Variants in TSGA10 observed in about 807,000 individuals in gnomAD.
The protein encoded by TSGA10 is testis-specific gene 10 protein.
TSGA10 carries 43 observed loss-of-function variants against 96.6 expected under a neutral mutation model. The observed-to-expected ratio is 0.44, with a 90% CI of 0.35 to 0.57. The LOEUF is 0.57. Ranked by LOEUF, TSGA10 falls within the 20% of genes least tolerant of loss-of-function variation. The pLI, the probability that TSGA10 is intolerant of heterozygous loss-of-function variation, is 0.01. For missense variants in TSGA10, 703 were observed against 834.4 expected (o/e 0.84, Z 1.94); for synonymous variants, 229 against 269.9 (o/e 0.85, Z 1.48).
At chr2:99,087,441 G>A (rs2088670392) in intron 10 of TSGA10, among the ~76,000 whole-genome samples, 1 of 152,144 alleles carries the variant, frequency 6.6e-6, no homozygotes, top group South Asian at 2.1e-4. Context: ...GGGAGGCGGA[G>A]GTTGCAGTGA....
chr2:99,010,468 G>A (rs1461401735), intron 20 of TSGA10, among the ~76,000 whole-genome samples: 1 of 152,240 alleles, frequency 6.6e-6, no homozygotes, highest in Non-Finnish European at 1.5e-5. Flanking sequence ...CCCCACTGGG[G>A]AATCTAAAAA....
intron 3 of TSGA10, among the ~76,000 whole-genome samples, chr2:99,117,992 T>A (rs567736431): frequency 1.3e-5 from 2 of 152,318 alleles, no homozygotes; most frequent in East Asian, 3.9e-4. Flanking sequence ...CAATTTATAG[T>A]TTATTTTAAA....
intron 2 of TSGA10, among the ~76,000 whole-genome samples, chr2:99,121,292 T>C (rs1316213957): frequency 6.6e-6 from 1 of 152,128 alleles, no homozygotes; most frequent in Non-Finnish European, 1.5e-5. Flanking sequence ...CAGGAATGGA[T>C]GAGTGATCCA....
chr2:99,024,157 T>C (rs1391968284), intron 17 of TSGA10, among the ~76,000 whole-genome samples: 1 of 152,118 alleles, frequency 6.6e-6, no homozygotes, highest in East Asian at 1.9e-4. Context: ...TGGCATAATC[T>C]TGGCTCACTG....
At chr2:99,123,378 A>G (rs528453190) in intron 2 of TSGA10, among the ~76,000 whole-genome samples, 2 of 151,946 alleles carry the variant, frequency 1.3e-5, no homozygotes, top group East Asian at 3.9e-4. Flanking sequence ...GCTCTATTCA[A>G]ATTTTTTTCC....
intron 20 of TSGA10, among the ~76,000 whole-genome samples, chr2:99,000,118 T>A (rs2104771124): frequency 6.6e-6 from 1 of 152,252 alleles, no homozygotes; most frequent in African/African-American, 2.4e-5. Context: ...ATGCCTGTAA[T>A]CCTAGCACTT....
Position 99,152,557 on chromosome 2 carries a change from G to A in TSGA10, c.-621+2136C>T, listed in dbSNP as rs139115824. 4.3e-4 allele frequency among the ~76,000 whole-genome samples: 66 copies of A among 152,260 alleles called. 2 individuals are homozygous for A. In the East Asian group the frequency reaches 0.01, roughly 24 times the overall value. The stretch of plus-strand genomic sequence containing the variant: ...ACTGGGCCATAAACTTGATTTTAAC[G>A]TGGGAAATGGGAAAGCGTATCTCAG... On this transcript the variant is annotated intron_variant, in intron 1 of 20. Coordinates refer to ENST00000393483, the MANE Select transcript of TSGA10 (RefSeq NM_025244.4).
chr2:99,108,382 A>G (rs2091527072), intron 7 of TSGA10, among the ~76,000 whole-genome samples: 1 of 152,152 alleles, frequency 6.6e-6, no homozygotes, highest in South Asian at 2.1e-4. Flanking sequence ...TATTTGATTA[A>G]TAAAAGCTAT....
At chr2:99,004,298 A>G (rs1456308271) in intron 20 of TSGA10, among the ~76,000 whole-genome samples, 1 of 152,156 alleles carries the variant, frequency 6.6e-6, no homozygotes, top group African/African-American at 2.4e-5. Context: ...AAATTGAGGC[A>G]ATAATTAATA....
intron 16 of TSGA10, among the ~76,000 whole-genome samples, chr2:99,058,727 C>G (rs1432556109): frequency 2.0e-5 from 3 of 151,978 alleles, no homozygotes; most frequent in African/African-American, 7.3e-5. Context: ...ACAGAAATTA[C>G]CAAAATGACC....
At chr2:99,056,019 C>T (rs566295920) in intron 16 of TSGA10, among the ~76,000 whole-genome samples, 6 of 151,812 alleles carry the variant, frequency 4.0e-5, no homozygotes, top group Non-Finnish European at 7.4e-5. Context: ...CTGGCTAATA[C>T]GGTGAAACCC....
At chr2:99,018,938 A>T (rs897737224) in intron 18 of TSGA10, among the ~76,000 whole-genome samples, 1 of 152,176 alleles carries the variant, frequency 6.6e-6, no homozygotes, top group Non-Finnish European at 1.5e-5. Context: ...ACTTACTATA[A>T]ATTGTTTTTT....
At chr2:99,134,119 G>C (rs1270266437) in intron 1 of TSGA10, among the ~76,000 whole-genome samples, 1 of 152,110 alleles carries the variant, frequency 6.6e-6, no homozygotes, top group Non-Finnish European at 1.5e-5. Flanking sequence ...TCCTGAATTG[G>C]AATGTTGGCC....
intron 2 of TSGA10, among the ~76,000 whole-genome samples, chr2:99,122,424 A>C (rs2092617180): frequency 6.6e-6 from 1 of 151,906 alleles, no homozygotes; most frequent in African/African-American, 2.4e-5. Flanking sequence ...AAATAATTTA[A>C]ATATTTCCTG....
chr2:99,024,401 T>C (rs1477266241), intron 17 of TSGA10, among the ~76,000 whole-genome samples: 1 of 152,218 alleles, frequency 6.6e-6, no homozygotes, highest in African/African-American at 2.4e-5. Context: ...TTTGTCCTTT[T>C]TTAATGCTAC....
chr2:99,050,339 A>G (rs1430308960), intron 16 of TSGA10, among the ~76,000 whole-genome samples: 2 of 152,234 alleles, frequency 1.3e-5, no homozygotes, highest in Non-Finnish European at 2.9e-5. Flanking sequence ...CACTGACATG[A>G]CATTCAAAGG....
chr2:99,010,015 T>C (rs561053174), intron 20 of TSGA10, among the ~76,000 whole-genome samples: 78 of 152,348 alleles, frequency 5.1e-4, no homozygotes, highest in Admixed American at 1.1e-3. Flanking sequence ...TGAAATTGTT[T>C]CCAAATAAAA....
chr2:99,116,413 T>C (rs2092264828), intron 4 of TSGA10, among the ~76,000 whole-genome samples: 1 of 152,002 alleles, frequency 6.6e-6, no homozygotes, highest in African/African-American at 2.4e-5. Flanking sequence ...TAAAACAATG[T>C]GATGGTGGCA....
chr2:99,129,821 T>C (rs1243829480), intron 1 of TSGA10, among the ~76,000 whole-genome samples: 3 of 152,208 alleles, frequency 2.0e-5, no homozygotes, highest in Admixed American at 6.5e-5. Context: ...TGGTATATGA[T>C]GTTCCCCTCC....
Sources: gnomAD v4.1 joint callset for allele counts (sites outside exome capture counted in the v4.1 genomes callset) on GRCh38, gnomAD v4.1.1 for gene constraint, MANE v1.5 for transcripts, NCBI Gene and HGNC (gene_info 2026-07-23, HGNC 2026-07-21) for gene names.